The following COL4A6 variants were observed in gnomAD, a reference collection of about 807,000 sequenced individuals.
The protein encoded by COL4A6 is collagen alpha-6(IV) chain.
A neutral mutation model predicts 126.7 loss-of-function variants in COL4A6; 59 were observed. The ratio of observed to expected loss-of-function variants is 0.47; its 90% CI spans 0.38 to 0.58. COL4A6 has a LOEUF of 0.58. Ranked by LOEUF, COL4A6 falls within the 20% of genes least tolerant of loss-of-function variation. COL4A6 has a pLI of 0.00. For missense variants in COL4A6, 1,285 were observed against 1,337.3 expected (o/e 0.96, Z 0.61); for synonymous variants, 547 against 496.6 (o/e 1.10, Z -1.35).
intron 2 of COL4A6, among the ~76,000 whole-genome samples, chrX:108,428,895 G>A (rs1334325858): frequency 8.9e-6 from 1 of 111,877 alleles, no homozygotes; most frequent in East Asian, 2.8e-4. Context: ...TATAGACTTA[G>A]AAACTATCCA....
At position 108,435,872 on chromosome X, in the gene COL4A6, G is replaced by T. The variant is rs189410301; in HGVS notation, c.63+2070C>A. On this transcript the variant is annotated intron_variant, in intron 2 of 44. Transcript: ENST00000334504. Reference sequence around the variant, plus strand: ...CAATCTATTTTTAATAGCTATTTTCGTTAATATTAGTCAAACATGGCACAG... The same window carrying T: ...CAATCTATTTTTAATAGCTATTTTCTTTAATATTAGTCAAACATGGCACAG... Among the ~76,000 whole-genome samples the T allele has an allele frequency of 4.5e-5, 5 of 111,458 alleles. No individual in the cohort carries two copies. In the East Asian group the frequency reaches 1.4e-3, roughly 31 times the overall value.
intron 28 of COL4A6, 97 bp downstream of exon 28, chrX:108,176,744 C>A: frequency 1.1e-6 from 1 of 942,375 alleles, no homozygotes; most frequent in Non-Finnish European, 1.5e-6. Flanking sequence ...AGTCCCTCCC[C>A]ATTTCCCATT....
intron 2 of COL4A6, among the ~76,000 whole-genome samples, chrX:108,327,841 A>G (rs980153141): frequency 1.8e-5 from 2 of 110,819 alleles, no homozygotes; most frequent in African/African-American, 6.6e-5. Flanking sequence ...TTAAAAAAAA[A>G]CACAGCAAAG....
intron 3 of COL4A6, among the ~76,000 whole-genome samples, chrX:108,304,065 G>A (rs767939407): frequency 9.9e-4 from 110 of 111,550 alleles, no homozygotes; most frequent in African/African-American, 3.2e-3. Flanking sequence ...GAGACCTTGA[G>A]AGGGGAAAGC....
Position 108,170,028 on chromosome X carries a change from G to C in COL4A6, c.3494-12C>G, listed in dbSNP as rs755930151. On this transcript the variant is annotated splice_polypyrimidine_tract_variant and intron_variant, in intron 35 of 44. Coordinates refer to ENST00000334504, the MANE Select transcript of COL4A6 (RefSeq NM_033641.4). ...AAATCCAGGGAAGCCTGAGGGGAGA[G>C]AATGTCAAAAATGGCTCCAGCAACT... 4.3e-6 allele frequency: 5 copies of C among 1,171,389 alleles called. No homozygotes were observed. The East Asian group carries it at 1.6e-4, about 37-fold the overall frequency.
chrX:108,396,080 C>T (rs1284065295), intron 2 of COL4A6, among the ~76,000 whole-genome samples: 4 of 110,823 alleles, frequency 3.6e-5, no homozygotes, highest in Non-Finnish European at 7.6e-5. Flanking sequence ...TAAATAATAA[C>T]AAATAAAATT....
In COL4A6 at chrX:108,190,987, T is replaced by A. The variant is rs777488236; in HGVS notation, c.1321+406A>T. On this transcript the variant is annotated intron_variant, in intron 19 of 44. Coordinates refer to ENST00000334504, the MANE Select transcript of COL4A6 (RefSeq NM_033641.4). ...AGGCTTTTAGCAGCCACCTCGAGGGTCCAGGCTTGGCTTCTTTTTTTCTCA... is the reference window on the plus strand; with the variant it reads ...AGGCTTTTAGCAGCCACCTCGAGGGACCAGGCTTGGCTTCTTTTTTTCTCA... 1.0e-3 allele frequency among the ~76,000 whole-genome samples: 114 copies of A among 111,750 alleles called. 1 individual carries two copies. Among genetic ancestry groups the A allele is most frequent in the Non-Finnish European group, 1.9e-3 (102 of 53,162 alleles).
intron 2 of COL4A6, among the ~76,000 whole-genome samples, chrX:108,323,844 G>A (rs1251454640): frequency 1.8e-5 from 2 of 111,955 alleles, no homozygotes; most frequent in Non-Finnish European, 3.8e-5. Flanking sequence ...TGTGGCAATA[G>A]TTTTCCAATA....
intron 2 of COL4A6, among the ~76,000 whole-genome samples, chrX:108,401,594 G>C (rs926450958): frequency 9.0e-6 from 1 of 110,723 alleles, no homozygotes; most frequent in Non-Finnish European, 1.9e-5. Context: ...AATTATGGGT[G>C]GGTACTCTTA....
chrX:108,424,248 T>C (rs1284146003), intron 2 of COL4A6, among the ~76,000 whole-genome samples: 1 of 111,726 alleles, frequency 9.0e-6, no homozygotes, highest in Non-Finnish European at 1.9e-5. Flanking sequence ...TCAAAGATTC[T>C]GTATGGGGTG....
At chrX:108,378,145 A>G (rs1049825005) in intron 2 of COL4A6, among the ~76,000 whole-genome samples, 4 of 110,476 alleles carry the variant, frequency 3.6e-5, no homozygotes, top group Non-Finnish European at 7.6e-5. Flanking sequence ...TCCAATGCAA[A>G]TATATGGGAT....
intron 3 of COL4A6, among the ~76,000 whole-genome samples, chrX:108,282,943 A>G (rs1227355879): frequency 2.0e-5 from 2 of 97,851 alleles, no homozygotes; most frequent in East Asian, 3.4e-4. Context: ...TGGGAATTGA[A>G]CAATGAGAAC....
chrX:108,305,118 C>G (rs932000913), intron 3 of COL4A6, among the ~76,000 whole-genome samples: 1 of 111,845 alleles, frequency 8.9e-6, no homozygotes, highest in African/African-American at 3.3e-5. Context: ...CAACCCCAGC[C>G]TGGCAGATCA....
chrX:108,247,455 T>C (rs191544420), intron 3 of COL4A6, among the ~76,000 whole-genome samples: 2 of 110,779 alleles, frequency 1.8e-5, no homozygotes, highest in East Asian at 2.9e-4. Flanking sequence ...TTATTCTCCC[T>C]AGCTTTATCC....
At chrX:108,219,766 A>G (rs2035961950) in intron 4 of COL4A6, 24 bp from the exon 5 acceptor site, 1 of 1,165,144 alleles carries the variant, frequency 8.6e-7, no homozygotes, top group African/African-American at 1.8e-5. Flanking sequence ...TAGGGAGAGG[A>G]ATGTAAGACA....
Position 108,202,994 on chromosome X carries a change from C to T in COL4A6, c.781-13G>A, listed in dbSNP as rs1310985378. On this transcript the variant is annotated splice_polypyrimidine_tract_variant and intron_variant, in intron 12 of 44. Coordinates refer to ENST00000334504, the MANE Select transcript of COL4A6 (RefSeq NM_033641.4). The stretch of plus-strand genomic sequence containing the variant: ...GCCCTGGTTCACCCTGGAAAATCAG[C>T]CCAAGGTTAGTAAGTAGCATCAGGA... 2.5e-6 allele frequency: 3 copies of T among 1,205,342 alleles called. No homozygotes were observed. In the South Asian group the frequency reaches 5.3e-5, roughly 21 times the overall value.
At chrX:108,326,579 A>T (rs1338886046) in intron 2 of COL4A6, among the ~76,000 whole-genome samples, 3 of 112,231 alleles carry the variant, frequency 2.7e-5, no homozygotes, top group African/African-American at 9.7e-5. Context: ...CAATCAAGAG[A>T]GTGTAAAGAC....
chrX:108,269,830 T>C (rs2037402640), intron 3 of COL4A6, among the ~76,000 whole-genome samples: 2 of 111,593 alleles, frequency 1.8e-5, no homozygotes, highest in African/African-American at 3.3e-5. Context: ...AGAATTTGTG[T>C]TTTAGTAGGG....
chrX:108,338,805 C>G (rs1349319439), intron 2 of COL4A6, among the ~76,000 whole-genome samples: 1 of 112,147 alleles, frequency 8.9e-6, no homozygotes, highest in Non-Finnish European at 1.9e-5. Flanking sequence ...AGGCACTAAT[C>G]TGATTATCAA....
Sources: allele counts gnomAD v4.1 joint callset (sites outside exome capture counted in the v4.1 genomes callset), GRCh38; gene constraint gnomAD v4.1.1; transcripts MANE v1.5; gene names NCBI Gene and HGNC (gene_info 2026-07-23, HGNC 2026-07-21).